The following HORMAD2 variants were observed in gnomAD, a reference collection of about 807,000 sequenced individuals.
The protein encoded by HORMAD2 is HORMA domain-containing protein 2.
In HORMAD2, 45 loss-of-function variants were observed where a neutral mutation model predicts 38.8. The ratio of observed to expected loss-of-function variants is 1.16; its 90% CI spans 0.91 to 1.49. The LOEUF (loss-of-function observed/expected upper bound fraction) is 1.49. Among genes scored for constraint, HORMAD2 ranks in the 40% most tolerant of loss-of-function variants. The pLI is 0.00. For synonymous variants in HORMAD2, 126 were observed against 122.8 expected (o/e 1.03, Z -0.17); for missense variants, 338 against 367.0 (o/e 0.92, Z 0.65).
intron 10 of HORMAD2, among the ~76,000 whole-genome samples, chr22:30,130,038 T>C (rs1432319906): frequency 6.6e-6 from 1 of 152,140 alleles, no homozygotes; most frequent in African/African-American, 2.4e-5. Context: ...ACTTTAAAAA[T>C]AATTTGTAAT....
At position 30,125,216 on chromosome 22, in the gene HORMAD2, C is replaced by CTTT. The variant is rs1167990121; in HGVS notation, c.819+3026_819+3028dup. On this transcript the variant is annotated intron_variant, in intron 10 of 10. Coordinates refer to ENST00000336726, the MANE Select transcript of HORMAD2 (RefSeq NM_152510.4). ...CATCTTTTCACTTTCTTTTTCTTTT[C>CTTT]TTTTTTTTTTTTTTTTTTTTTTTTT... Among the ~76,000 whole-genome samples the CTTT allele has an allele frequency of 7.4e-4, 32 of 43,482 alleles. 1 individual carries two copies. The highest frequency in any genetic ancestry group is 1.0e-3 in the Non-Finnish European group (26 of 25,030). The allele number at this position is 43,482 out of a possible 152,430, so 28.5% of individuals were successfully genotyped here. A position where few individuals can be genotyped will look rare whatever the true frequency, so the allele number is the denominator to read the frequency against.
the HORMAD2 span, among the ~76,000 whole-genome samples, chr22:30,206,163 T>TTTTTG: frequency 6.6e-6 from 1 of 151,188 alleles, no homozygotes; most frequent in Non-Finnish European, 1.5e-5. Flanking sequence ...CCCAGAGAGT[T>TTTTTG]TTTTGTTTTG....
At chr22:30,175,290 A>AAT (rs1335229066) in intron 10 of HORMAD2, among the ~76,000 whole-genome samples, 1 of 139,890 alleles carries the variant, frequency 7.1e-6, no homozygotes, top group Non-Finnish European at 1.5e-5. Context: ...TATAATATAG[A>AAT]ATATATATAA....
At chr22:30,088,124 C>CACACACAT (rs1491190235) in intron 1 of HORMAD2, among the ~76,000 whole-genome samples, 4,413 of 144,694 alleles carry the variant, frequency 0.03, 91 homozygotes, top group Non-Finnish European at 0.039. Context: ...TATACACACA[C>CACACACAT]GTACACATGT....
the HORMAD2 span, among the ~76,000 whole-genome samples, chr22:30,189,114 A>G: frequency 1.3e-5 from 2 of 152,204 alleles, no homozygotes; most frequent in Admixed American, 1.3e-4. Flanking sequence ...AAAAAAAAAA[A>G]AAAGTTTTTT....
intron 10 of HORMAD2, among the ~76,000 whole-genome samples, chr22:30,138,488 C>T (rs149261722): frequency 1.3e-4 from 20 of 152,110 alleles, no homozygotes; most frequent in African/African-American, 3.6e-4. Context: ...ATTTTAAAAA[C>T]GGTCATTTGT....
chr22:30,103,465 T>C lies in HORMAD2; in HGVS notation c.222T>C (p.Asp74=). The C allele has an allele frequency of 3.2e-6, 5 of 1,542,022 alleles. No individual in the cohort carries two copies. Among genetic ancestry groups the C allele is most frequent in the Non-Finnish European group, 3.5e-6 (4 of 1,136,396 alleles). Residue 74 remains aspartate, a synonymous_variant, in exon 4 of 11, where the codon GAT becomes GAC. Coordinates refer to ENST00000336726, the MANE Select transcript of HORMAD2 (RefSeq NM_152510.4). ...DDLSLKILRE[D]KKCPGSLHII... ...TCAGTTTAAAAATCCTCCGAGAAGA[T>C]AAAAAATGTCCCGGGTCACTGCATA...
intron 10 of HORMAD2, among the ~76,000 whole-genome samples, chr22:30,144,520 G>A (rs1924287457): frequency 6.6e-6 from 1 of 152,206 alleles, no homozygotes; most frequent in Non-Finnish European, 1.5e-5. Flanking sequence ...TTTATGCACT[G>A]CTTCTCCCCT....
At chr22:30,145,681 G>A (rs5763810) in intron 10 of HORMAD2, among the ~76,000 whole-genome samples, 13,488 of 151,994 alleles carry the variant, frequency 0.089, 1,035 homozygotes, top group South Asian at 0.23. Flanking sequence ...AAAAGAATAG[G>A]GCCTCAGTGA....
At chr22:30,192,053 A>G in the HORMAD2 span, 3 of 152,296 alleles carry the variant, frequency 2.0e-5, no homozygotes, top group East Asian at 5.8e-4. Flanking sequence ...TGAGCACAGA[A>G]TTGGCCAAAG....
chr22:30,174,283 C>T (rs956943565), intron 10 of HORMAD2, among the ~76,000 whole-genome samples: 2 of 152,130 alleles, frequency 1.3e-5, no homozygotes, highest in Non-Finnish European at 2.9e-5. Context: ...TGGCCTTTTG[C>T]TTGGCTTGTT....
intron 10 of HORMAD2, among the ~76,000 whole-genome samples, chr22:30,135,123 C>T (rs1488584611): frequency 6.6e-6 from 1 of 151,902 alleles, no homozygotes; most frequent in Non-Finnish European, 1.5e-5. Context: ...ATATATTCAC[C>T]TATGTAGGGG....
intron 10 of HORMAD2, among the ~76,000 whole-genome samples, chr22:30,173,669 G>A (rs931827261): frequency 1.7e-4 from 26 of 152,234 alleles, no homozygotes; most frequent in African/African-American, 6.0e-4. Flanking sequence ...ACATGGATCT[G>A]AAGTTCAGAA....
At chr22:30,148,891 A>G (rs1924582204) in intron 10 of HORMAD2, among the ~76,000 whole-genome samples, 1 of 151,982 alleles carries the variant, frequency 6.6e-6, no homozygotes. Flanking sequence ...TGTAGTCCCA[A>G]CTACTTGGGA....
chr22:30,149,749 T>C (rs139296695), intron 10 of HORMAD2, among the ~76,000 whole-genome samples: 23 of 152,342 alleles, frequency 1.5e-4, no homozygotes, highest in African/African-American at 5.5e-4. Context: ...GAGGACTGCA[T>C]GGGAGATAAG....
chr22:30,100,255 G>A (rs574375246), intron 3 of HORMAD2, among the ~76,000 whole-genome samples: 3 of 152,216 alleles, frequency 2.0e-5, no homozygotes. Context: ...CAATGGAACA[G>A]AACAGAGGCC....
chr22:30,151,686 T>A (rs1924759604), intron 10 of HORMAD2, among the ~76,000 whole-genome samples: 1 of 152,240 alleles, frequency 6.6e-6, no homozygotes, highest in Non-Finnish European at 1.5e-5. Context: ...TTGCATGTTT[T>A]AAAATTTCTT....
At chr22:30,078,142 G>T (rs148407535), upstream of HORMAD2, among the ~76,000 whole-genome samples, 530 of 152,256 alleles carry the variant, frequency 3.5e-3, 4 homozygotes, top group African/African-American at 0.012. Flanking sequence ...GAAGCTCTTC[G>T]GAGGAAAACA....
At chr22:30,191,691 T>C in the HORMAD2 span, among the ~76,000 whole-genome samples, 1 of 152,208 alleles carries the variant, frequency 6.6e-6, no homozygotes, top group African/African-American at 2.4e-5. Context: ...GTTTTAAATC[T>C]ACACAAGTAG....
Sources: gnomAD v4.1 joint callset for allele counts (sites outside exome capture counted in the v4.1 genomes callset) on GRCh38, gnomAD v4.1.1 for gene constraint, MANE v1.5 for transcripts, NCBI Gene and HGNC (gene_info 2026-07-23, HGNC 2026-07-21) for gene names.